ANK3: variants seen among roughly 807,000 people sequenced by gnomAD.
The protein encoded by ANK3 is ankyrin 3, also known as ankyrin-3.
A neutral mutation model predicts 370.9 loss-of-function variants in ANK3; 57 were observed. That is an observed-to-expected ratio of 0.15 (90% CI 0.12 to 0.19). The LOEUF is 0.19. ANK3 is among the 10% of genes least tolerant of loss of function. The pLI, the probability that ANK3 is intolerant of heterozygous loss-of-function variation, is 1.00. For missense variants in ANK3, 4,439 were observed against 5,302.1 expected (o/e 0.84, Z 5.06); for synonymous variants, 1,929 against 1,946.3 (o/e 0.99, Z 0.23).
chr10:60,335,660 G>A (rs868400235), intron 1 of ANK3, among the ~76,000 whole-genome samples: 2 of 152,180 alleles, frequency 1.3e-5, no homozygotes, highest in African/African-American at 4.8e-5. Context: ...ATTTTAATGA[G>A]CTCATCGGTC....
intron 7 of ANK3, among the ~76,000 whole-genome samples, chr10:60,255,685 T>C (rs2097723981): frequency 6.6e-6 from 1 of 152,156 alleles, no homozygotes; most frequent in South Asian, 2.1e-4. Context: ...ATGGATGGTG[T>C]CATGGCTTCA....
intron 4 of ANK3, among the ~76,000 whole-genome samples, chr10:60,273,020 GC>G (rs2098024910): frequency 6.6e-6 from 1 of 152,028 alleles, no homozygotes; most frequent in Admixed American, 6.6e-5. Context: ...CCAGACTCAG[GC>G]ACTGGGTTTT....
At chr10:60,661,930 G>A (rs985238237) in intron 1 of ANK3, among the ~76,000 whole-genome samples, 1 of 152,092 alleles carries the variant, frequency 6.6e-6, no homozygotes, top group African/African-American at 2.4e-5. Context: ...AAGCCAGACG[G>A]GGATTTGAAC....
intron 8 of ANK3, among the ~76,000 whole-genome samples, chr10:60,220,698 T>A (rs1031135330): frequency 2.6e-5 from 4 of 152,186 alleles, no homozygotes; most frequent in Admixed American, 2.6e-4. Flanking sequence ...AATGTACATC[T>A]TGCATGTGTT....
At chr10:60,512,994 G>C (rs1429743620) in intron 2 of ANK3, among the ~76,000 whole-genome samples, 1 of 152,072 alleles carries the variant, frequency 6.6e-6, no homozygotes, top group Non-Finnish European at 1.5e-5. Context: ...GCTGAATCAT[G>C]AACAACTTTA....
intron 1 of ANK3, among the ~76,000 whole-genome samples, chr10:60,711,637 A>G (rs1030775376): frequency 3.9e-5 from 6 of 152,102 alleles, no homozygotes; most frequent in Admixed American, 1.3e-4. Flanking sequence ...GAAGAAAGAG[A>G]GAAAAGAACA....
intron 23 of ANK3, among the ~76,000 whole-genome samples, chr10:60,150,798 T>A (rs141677427): frequency 4.7e-4 from 71 of 152,266 alleles, no homozygotes; most frequent in Non-Finnish European, 9.1e-4. Flanking sequence ...AAGCAGATGC[T>A]GGTGCTATGC....
At chr10:60,470,741 G>C (rs950081961) in intron 2 of ANK3, among the ~76,000 whole-genome samples, 1 of 151,958 alleles carries the variant, frequency 6.6e-6, no homozygotes, top group Non-Finnish European at 1.5e-5. Flanking sequence ...GTTGGGAGTG[G>C]GAGGAAATGG....
chr10:60,727,236 C>A (rs1213928379), intron 1 of ANK3, among the ~76,000 whole-genome samples: 1 of 152,084 alleles, frequency 6.6e-6, no homozygotes, highest in African/African-American at 2.4e-5. Flanking sequence ...GGTGAATGGA[C>A]AAACTGTGGC....
intron 1 of ANK3, among the ~76,000 whole-genome samples, chr10:60,303,982 A>T (rs1445541194): frequency 1.3e-5 from 2 of 152,066 alleles, no homozygotes; most frequent in Admixed American, 1.3e-4. Flanking sequence ...AACATGGAGG[A>T]CATTATGCTA....
chr10:60,328,518 CAAAT>C (rs1231769083), intron 1 of ANK3, among the ~76,000 whole-genome samples: 1 of 152,120 alleles, frequency 6.6e-6, no homozygotes, highest in Non-Finnish European at 1.5e-5. Flanking sequence ...TACCTCTACA[CAAAT>C]AAACTAGAAA....
rs779461792 is a variant in ANK3, at chr10:60,073,713, C to G, written c.7168G>C (p.Gly2390Arg). Residue 2390 changes from glycine (G) to arginine (R), a missense_variant, in exon 37 of 44, where the codon GGT becomes CGT. Gly to Arg is a moderately radical substitution (Grantham distance 125, BLOSUM62 -2). This residue lies in a region of ANK3 where 1,601 missense variants were observed against 1,731.7 expected (regional missense o/e 0.92). Coordinates refer to ENST00000280772, the MANE Select transcript of ANK3 (RefSeq NM_020987.5). ...HDAFPCSEEQGQQEEEELTAE... is the reference protein window; with the variant it reads ...HDAFPCSEEQRQQEEEELTAE... ...GTAAGTTCTTCTTCTTCTTGCTGAC[C>G]CTGTTCCTCTGAACAAGGAAAAGCA... 6.8e-6 allele frequency: 11 copies of G among 1,613,806 alleles called. No individual in the cohort carries two copies. Among genetic ancestry groups the G allele is most frequent in the Non-Finnish European group, 2.5e-6 (3 of 1,180,000 alleles).
At chr10:60,344,929 T>G (rs2055087167) in intron 1 of ANK3, among the ~76,000 whole-genome samples, 1 of 152,212 alleles carries the variant, frequency 6.6e-6, no homozygotes, top group South Asian at 2.1e-4. Flanking sequence ...GGCATCATTT[T>G]GGGACACATT....
rs1564750962 is a variant in ANK3 at position 60,069,311 on chromosome 10, A to C, written c.11570T>G (p.Ile3857Arg). Residue 3857 changes from isoleucine to arginine, a missense_variant, in exon 37 of 44, where the codon ATA becomes AGA. Ile to Arg is a moderately conservative substitution (Grantham distance 97, BLOSUM62 -3). This residue lies in a region of ANK3 where 496 missense variants were observed against 529.3 expected (regional missense o/e 0.94). Coordinates refer to ENST00000280772, the MANE Select transcript of ANK3 (RefSeq NM_020987.5). ...AAGTTTGGATTTTTGCCTAATCCCT[A>C]TCAATTCCTTTGTTTTTTGCTGTTC... ...LGEQQKTKEL[I>R]GIRQKSKLPI... 6.2e-7 allele frequency: 1 copy of C among 1,613,956 alleles called. No homozygotes were observed. The highest frequency in any genetic ancestry group is 1.7e-5 in the Admixed American group (1 of 59,998).
Position 60,296,347 on chromosome 10 carries a change from A to G in ANK3, c.115-16708T>C, listed in dbSNP as rs1450201847. ...CAAGTGATGCTGCCAAAAAGATAGC[A>G]TGAGAATTCCTTAAGGACAACTTGT... is the stretch of plus-strand genomic sequence containing the variant. On this transcript the variant is annotated intron_variant, in intron 1 of 43. Transcript: ENST00000280772. 7.9e-5 allele frequency among the ~76,000 whole-genome samples: 12 copies of G among 152,214 alleles called. No homozygotes were observed. The South Asian group carries it at 1.9e-3, about 24-fold the overall frequency.
intron 1 of ANK3, among the ~76,000 whole-genome samples, chr10:60,368,946 T>G (rs374663613): frequency 2.0e-5 from 3 of 152,266 alleles, no homozygotes; most frequent in East Asian, 3.9e-4. Context: ...GGATACTGAC[T>G]ATAGAAGGGA....
chr10:60,108,910 G>A lies in ANK3; in HGVS notation c.3093C>T (p.Ala1031=), dbSNP rs140218719. 1.2e-6 allele frequency: 2 copies of A among 1,613,962 alleles called. No homozygotes were observed. Among genetic ancestry groups the A allele is most frequent in the Non-Finnish European group, 1.7e-6 (2 of 1,179,988 alleles). ...CTCCTTCCACCATGGGGGGTGGGTT[G>A]GCCAGTTTATGTCTCTTTACCAAAC... ...TCRLVKRHKL[A]NPPPMVEGEG... Residue 1031 remains alanine (A), a synonymous_variant, in exon 27 of 44, where the codon GCC becomes GCT. Coordinates refer to ENST00000280772, the MANE Select transcript of ANK3 (RefSeq NM_020987.5).
At chr10:60,574,505 A>C (rs1387398086) in intron 2 of ANK3, among the ~76,000 whole-genome samples, 1 of 152,164 alleles carries the variant, frequency 6.6e-6, no homozygotes, top group African/African-American at 2.4e-5. Context: ...TTCTGCCACT[A>C]TTCAGTAACA....
intron 2 of ANK3, among the ~76,000 whole-genome samples, chr10:60,442,886 A>G (rs1249550419): frequency 1.3e-5 from 2 of 152,256 alleles, no homozygotes; most frequent in East Asian, 1.9e-4. Flanking sequence ...CCAAGGTAAC[A>G]TACTTATAGA....
Sources: gnomAD v4.1 joint callset for allele counts (sites outside exome capture counted in the v4.1 genomes callset) on GRCh38, gnomAD v4.1.1 for gene constraint, gnomAD v4.1.1 regional missense constraint, MANE v1.5 for transcripts, NCBI Gene and HGNC (gene_info 2026-07-23, HGNC 2026-07-21) for gene names.